NDRG1: variants seen among roughly 807,000 people sequenced by gnomAD.
The protein encoded by NDRG1 is protein NDRG1.
In NDRG1, 32 loss-of-function variants were observed where a neutral mutation model predicts 56.9. The observed-to-expected ratio is 0.56, with a 90% CI of 0.42 to 0.76. The LOEUF is 0.76. Ranked by LOEUF, NDRG1 falls within the 30% of genes least tolerant of loss-of-function variation. The pLI, the probability that NDRG1 is intolerant of heterozygous loss-of-function variation, is 0.00. For missense variants in NDRG1, 507 were observed against 545.7 expected, an observed-to-expected ratio of 0.93 and a Z score of 0.71; for synonymous variants, 211 against 204.1, an observed-to-expected ratio of 1.03 and a Z score of -0.29.
intron 3 of NDRG1, among the ~76,000 whole-genome samples, chr8:133,277,445 C>G (rs1162558630): frequency 2.0e-5 from 3 of 152,112 alleles, no homozygotes; most frequent in Non-Finnish European, 4.4e-5. Context: ...CACCTGTAAT[C>G]CCAGCCACTC....
intron 13 of NDRG1, among the ~76,000 whole-genome samples, chr8:133,246,116 C>A (rs1201883616): frequency 3.3e-5 from 5 of 152,264 alleles, no homozygotes; most frequent in African/African-American, 1.2e-4. Flanking sequence ...GAGGCCGCCA[C>A]AAACAGCCAG....
At chr8:133,290,820 G>A (rs781254035) in intron 1 of NDRG1, among the ~76,000 whole-genome samples, 6 of 152,042 alleles carry the variant, frequency 3.9e-5, no homozygotes, top group Non-Finnish European at 8.8e-5. Flanking sequence ...TTCCTAAGAC[G>A]GCCAACTCAA....
At chr8:133,278,610 C>G (rs991648811) in intron 3 of NDRG1, among the ~76,000 whole-genome samples, 2 of 152,148 alleles carry the variant, frequency 1.3e-5, no homozygotes, top group African/African-American at 4.8e-5. Context: ...CTCCCAGTCC[C>G]TCCACTCTGG....
chr8:133,242,171 G>A, intron 14 of NDRG1, 97 bp from the exon 15 acceptor site: 5 of 1,282,440 alleles, frequency 3.9e-6, no homozygotes, highest in South Asian at 3.6e-5. Flanking sequence ...TCATTTGAGA[G>A]TTTGGCTCAA....
chr8:133,254,655 A>G (rs1241596169), intron 8 of NDRG1, 60 bp from the exon 9 acceptor site: 44 of 1,560,840 alleles, frequency 2.8e-5, no homozygotes, highest in Middle Eastern at 1.7e-4. Flanking sequence ...TAACAAGGTC[A>G]GCAAAACCCC....
At chr8:133,246,701 G>A (rs371845178) in intron 12 of NDRG1, 38 bp from the exon 13 acceptor site, 3 of 1,605,596 alleles carry the variant, frequency 1.9e-6, no homozygotes, top group Non-Finnish European at 2.6e-6. Flanking sequence ...TTTTCTACGT[G>A]AAGCCAAAGC....
chr8:133,255,355 C>G, intron 8 of NDRG1: 1 of 456,294 alleles, frequency 2.2e-6, no homozygotes, highest in South Asian at 1.5e-5. Flanking sequence ...CAAGAAGTAA[C>G]TGCACACATC....
At chr8:133,268,800 C>A (rs989835808) in intron 3 of NDRG1, among the ~76,000 whole-genome samples, 6 of 152,064 alleles carry the variant, frequency 3.9e-5, no homozygotes, top group African/African-American at 1.4e-4. Flanking sequence ...CCAGCACACA[C>A]AGGAGGAGGA....
intron 3 of NDRG1, among the ~76,000 whole-genome samples, chr8:133,278,214 G>A (rs763713468): frequency 6.6e-6 from 1 of 152,100 alleles, no homozygotes; most frequent in Non-Finnish European, 1.5e-5. Flanking sequence ...AAATAACCAA[G>A]GCCATGGTGC....
rs745832151 is a variant in NDRG1, at chr8:133,264,646, C to T, written c.106G>A (p.Asp36Asn). 9.9e-6 allele frequency: 16 copies of T among 1,614,146 alleles called. No individual in the cohort carries two copies. The highest frequency in any genetic ancestry group is 1.3e-5 in the Non-Finnish European group (15 of 1,179,968). ...LLQEFDVQEQ[D>N]IETLHGSVHV... ...ACAGAGCCATGTAAAGTCTCGATGTCCTGCTCCTGAGGAGACACAGCAGAC... is the reference window on the plus strand; with the variant it reads ...ACAGAGCCATGTAAAGTCTCGATGTTCTGCTCCTGAGGAGACACAGCAGAC... The change falls in exon 4 of 16, where the codon GAC becomes AAC. Residue 36 changes from aspartate to asparagine, a missense_variant. By Grantham distance (23) the Asp-to-Asn change is conservative (BLOSUM62 1). Coordinates refer to ENST00000323851, the MANE Select transcript of NDRG1 (RefSeq NM_006096.4).
At chr8:133,269,804 C>G (rs1041954062) in intron 3 of NDRG1, among the ~76,000 whole-genome samples, 1 of 152,248 alleles carries the variant, frequency 6.6e-6, no homozygotes, top group Non-Finnish European at 1.5e-5. Context: ...ACCTCCCCAG[C>G]GTCTCCAAGG....
At chr8:133,284,461 C>G in intron 1 of NDRG1, 132 bp from the exon 2 acceptor site, 1 of 760,470 alleles carries the variant, frequency 1.3e-6, no homozygotes, top group Non-Finnish European at 2.3e-6. Flanking sequence ...TCGTGATGCA[C>G]TGCAGGGGAT....
intron 14 of NDRG1, among the ~76,000 whole-genome samples, chr8:133,242,649 G>C (rs1470269954): frequency 6.6e-6 from 1 of 152,006 alleles, no homozygotes; most frequent in Non-Finnish European, 1.5e-5. Context: ...TCAATAGCAG[G>C]CTGGCTGAAA....
At position 133,254,581 on chromosome 8, in the gene NDRG1, G is replaced by C. The variant is rs2130712948; in HGVS notation, c.552C>G (p.Thr184=). 3 of 1,614,044 alleles carry C rather than the reference G, an allele frequency of 1.9e-6. No individual in the cohort carries two copies. The highest frequency in any genetic ancestry group is 2.5e-6 in the Non-Finnish European group (3 of 1,179,996). ...DWAASKISGW[T]QALPDMVVSH... ...ACACCACCATGTCCGGCAGAGCTTG[G>C]GTCCATCCTGAGATCTGGAAAGGAG... The change falls in exon 9 of 16, where the codon ACC becomes ACG. Residue 184 remains threonine, a synonymous_variant. Coordinates refer to ENST00000323851, the MANE Select transcript of NDRG1 (RefSeq NM_006096.4).
intron 3 of NDRG1, among the ~76,000 whole-genome samples, chr8:133,265,957 G>A (rs1164418771): frequency 6.6e-6 from 1 of 152,236 alleles, no homozygotes; most frequent in African/African-American, 2.4e-5. Context: ...CCCCTTTGAA[G>A]TGCCCCACTC....
chr8:133,296,168 C>G (rs1041921068), intron 1 of NDRG1, among the ~76,000 whole-genome samples: 3 of 150,724 alleles, frequency 2.0e-5, no homozygotes, highest in Non-Finnish European at 4.4e-5. Context: ...TCAGAGACCG[C>G]GGCGGATCCC....
intron 13 of NDRG1, among the ~76,000 whole-genome samples, chr8:133,245,181 G>A (rs1036381372): frequency 9.9e-5 from 15 of 152,180 alleles, no homozygotes; most frequent in Admixed American, 3.3e-4. Context: ...TTTTCCTCCA[G>A]GCGGGGCACT....
rs773855726 is a variant in NDRG1, at chr8:133,248,684, G to A, written c.755+31C>T. The A allele has an allele frequency of 2.5e-6, 4 of 1,613,342 alleles. No individual in the cohort carries two copies. In the African/African-American group the frequency reaches 4.0e-5, roughly 16 times the overall value. On this transcript the variant is annotated intron_variant, in intron 11 of 15. Coordinates refer to ENST00000323851, the MANE Select transcript of NDRG1 (RefSeq NM_006096.4). ...ACCTTTATAGTGGGCAGCCCCGACT[G>A]CAAGTGCTGGGGGAGAGAAAAGCCA...
intron 9 of NDRG1, among the ~76,000 whole-genome samples, chr8:133,253,090 A>G (rs1856162605): frequency 6.6e-6 from 1 of 152,230 alleles, no homozygotes; most frequent in African/African-American, 2.4e-5. Flanking sequence ...CAGGCAACCA[A>G]GGGGTTTTCC....
Sources: gnomAD v4.1 joint callset for allele counts (sites outside exome capture counted in the v4.1 genomes callset) on GRCh38, gnomAD v4.1.1 for gene constraint, MANE v1.5 for transcripts, NCBI Gene and HGNC (gene_info 2026-07-23, HGNC 2026-07-21) for gene names.